FAT3: variants seen among roughly 807,000 people sequenced by gnomAD.
FAT3 encodes the protein FAT atypical cadherin 3, also known as protocadherin Fat 3.
A neutral mutation model predicts 310.2 loss-of-function variants in FAT3; 95 were observed. The observed-to-expected ratio is 0.31, with a 90% CI of 0.26 to 0.36. The LOEUF is 0.36. FAT3 is among the 10% of genes least tolerant of loss of function. The pLI is 1.00. For synonymous variants in FAT3, 2,314 were observed against 2,192.9 expected (o/e 1.06, Z -1.54); for missense variants, 5,408 against 5,715.6 (o/e 0.95, Z 1.74).
intron 2 of FAT3, among the ~76,000 whole-genome samples, chr11:92,395,353 A>G (rs1376470234): frequency 6.6e-6 from 1 of 152,148 alleles, no homozygotes; most frequent in Non-Finnish European, 1.5e-5. Context: ...CTGATTACCT[A>G]TCAGGTCTCT....
At chr11:92,738,750 G>A (rs1945422109) in intron 4 of FAT3, among the ~76,000 whole-genome samples, 1 of 152,170 alleles carries the variant, frequency 6.6e-6, no homozygotes, top group Non-Finnish European at 1.5e-5. Context: ...TTCACAACAT[G>A]CTGAGTCTTG....
chr11:92,366,142 C>T (rs1051210807), intron 2 of FAT3, among the ~76,000 whole-genome samples: 2 of 152,098 alleles, frequency 1.3e-5, no homozygotes, highest in South Asian at 2.1e-4. Flanking sequence ...GGCTCTCTTG[C>T]GTCTCCTTAT....
At chr11:92,808,193 A>C (rs1050826375) in intron 12 of FAT3, among the ~76,000 whole-genome samples, 1 of 152,230 alleles carries the variant, frequency 6.6e-6, no homozygotes, top group African/African-American at 2.4e-5. Context: ...AATCATGCCC[A>C]GGGGATATTG....
intron 18 of FAT3, among the ~76,000 whole-genome samples, chr11:92,841,845 C>T (rs1004769736): frequency 6.6e-6 from 1 of 152,212 alleles, no homozygotes; most frequent in Non-Finnish European, 1.5e-5. Context: ...TGCACAGCCC[C>T]TTCATCATGC....
chr11:92,354,853 A>G lies in FAT3; in HGVS notation c.2741A>G (p.Gln914Arg). ...IEARDKAESG[Q>R]QLFSVVTLKV... ...GCCAGGGACAAGGCAGAGAGTGGTC[A>G]GCAGCTGTTTTCAGTTGTCACTCTT... is the stretch of plus-strand genomic sequence containing the variant. Residue 914 changes from glutamine to arginine, a missense_variant, in exon 2 of 28, where the codon CAG (glutamine) becomes CGG (arginine). Physicochemically the swap from Gln to Arg is conservative, Grantham distance 43. Around this residue, in one of 5 missense-constraint regions of FAT3, gnomAD observed 4,588 missense variants for 4,809.8 expected, o/e 0.95. Coordinates refer to ENST00000525166, the MANE Select transcript of FAT3 (RefSeq NM_001367949.2). 6.2e-7 allele frequency: 1 copy of G among 1,613,928 alleles called. No individual in the cohort carries two copies. Among genetic ancestry groups the G allele is most frequent in the Non-Finnish European group, 8.5e-7 (1 of 1,179,862 alleles).
At chr11:92,457,673 G>C (rs1565331927) in intron 2 of FAT3, among the ~76,000 whole-genome samples, 1 of 152,174 alleles carries the variant, frequency 6.6e-6, no homozygotes, top group Non-Finnish European at 1.5e-5. Context: ...TGTAATCCTA[G>C]CACTTTGGGA....
intron 2 of FAT3, among the ~76,000 whole-genome samples, chr11:92,411,245 AG>A (rs1324574310): frequency 1.3e-5 from 2 of 149,998 alleles, no homozygotes; most frequent in African/African-American, 4.9e-5. Context: ...CTAGGAAAAA[AG>A]TTAAAGGTAA....
intron 3 of FAT3, among the ~76,000 whole-genome samples, chr11:92,634,629 G>A (rs1941687403): frequency 6.6e-6 from 1 of 152,148 alleles, no homozygotes; most frequent in African/African-American, 2.4e-5. Flanking sequence ...TCCTCTGCAG[G>A]AGTTCCTCAG....
At chr11:92,298,092 G>A (rs1202381) in intron 1 of FAT3, among the ~76,000 whole-genome samples, 1 of 151,826 alleles carries the variant, frequency 6.6e-6, no homozygotes, top group Non-Finnish European at 1.5e-5. Flanking sequence ...AGCCCAGCTG[G>A]TGGAGATGGG....
chr11:92,827,367 A>C (rs150410536), intron 13 of FAT3, among the ~76,000 whole-genome samples: 117 of 152,340 alleles, frequency 7.7e-4, no homozygotes, highest in South Asian at 5.0e-3. Context: ...AATAGAAATG[A>C]AACCAACTCC....
intron 27 of FAT3, 38 bp downstream of exon 27, chr11:92,889,929 T>C: frequency 1.4e-6 from 1 of 717,904 alleles, no homozygotes; most frequent in East Asian, 2.7e-5. Context: ...TTTTTGTGTG[T>C]TTGTTTTGAA....
intron 4 of FAT3, among the ~76,000 whole-genome samples, chr11:92,750,634 TTCTCTC>T (rs10558123): frequency 2.6e-3 from 387 of 149,662 alleles, no homozygotes; most frequent in African/African-American, 2.6e-3. Flanking sequence ...GATTTGGCTG[TTCTCTC>T]TCTCTCTCTC....
chr11:92,624,794 A>C (rs1364459863), intron 3 of FAT3, among the ~76,000 whole-genome samples: 1 of 152,200 alleles, frequency 6.6e-6, no homozygotes, highest in Non-Finnish European at 1.5e-5. Context: ...TTGTTGTCTT[A>C]CAGTTCTGGA....
intron 2 of FAT3, among the ~76,000 whole-genome samples, chr11:92,442,329 G>A (rs1951094823): frequency 1.3e-5 from 2 of 149,830 alleles, no homozygotes; most frequent in Non-Finnish European, 1.5e-5. Flanking sequence ...TAGCTAGGAT[G>A]GTCTCGATCT....
intron 3 of FAT3, among the ~76,000 whole-genome samples, chr11:92,641,244 A>G (rs1250604089): frequency 6.6e-6 from 1 of 152,108 alleles, no homozygotes; most frequent in African/African-American, 2.4e-5. Context: ...CTCTCTCAAT[A>G]TATCTCTCTC....
chr11:92,790,326 A>T (rs1947007883), intron 8 of FAT3, 108 bp downstream of exon 8: 1 of 1,224,998 alleles, frequency 8.2e-7, no homozygotes, highest in Non-Finnish European at 1.1e-6. Context: ...GTAGTTGTAA[A>T]TTTAGTCTTT....
At chr11:92,543,861 T>C (rs1282442471) in intron 3 of FAT3, among the ~76,000 whole-genome samples, 2 of 152,194 alleles carry the variant, frequency 1.3e-5, no homozygotes, top group African/African-American at 4.8e-5. Context: ...ACAAAATGAG[T>C]AACACATCTT....
chr11:92,675,209 A>G (rs1943251008), intron 3 of FAT3, among the ~76,000 whole-genome samples: 1 of 152,218 alleles, frequency 6.6e-6, no homozygotes, highest in Admixed American at 6.5e-5. Context: ...CCAAACTAAC[A>G]GTGAGAAAAA....
At chr11:92,845,118 G>A (rs1948654120) in intron 19 of FAT3, among the ~76,000 whole-genome samples, 1 of 152,216 alleles carries the variant, frequency 6.6e-6, no homozygotes, top group Admixed American at 6.5e-5. Flanking sequence ...GGAAGGCTTA[G>A]GGGCATAAGA....
Sources: allele counts gnomAD v4.1 joint callset (sites outside exome capture counted in the v4.1 genomes callset), GRCh38; gene constraint gnomAD v4.1.1; regional missense constraint gnomAD v4.1.1; transcripts MANE v1.5; gene names NCBI Gene and HGNC (gene_info 2026-07-23, HGNC 2026-07-21).